Variants in CLASRP observed in about 807,000 individuals in gnomAD.
The protein encoded by CLASRP is CLK4 associating serine/arginine rich protein, also known as CLK4-associating serine/arginine rich protein.
CLASRP carries 52 observed loss-of-function variants against 99.9 expected under a neutral mutation model. The ratio of observed to expected loss-of-function variants is 0.52; its 90% confidence interval spans 0.42 to 0.66. The LOEUF (loss-of-function observed/expected upper bound fraction) is 0.66. CLASRP is among the 30% of genes least tolerant of loss of function. The pLI is 0.00. For missense variants in CLASRP, 848 were observed against 999.2 expected, an observed-to-expected ratio of 0.85 and a Z score of 2.04; for synonymous variants, 379 against 373.0, an observed-to-expected ratio of 1.02 and a Z score of -0.18.
intron 13 of CLASRP, among the ~76,000 whole-genome samples, chr19:45,066,231 C>T (rs1376856477): frequency 1.3e-5 from 2 of 151,856 alleles, no homozygotes; most frequent in African/African-American, 4.8e-5. Flanking sequence ...GTGATTCTCC[C>T]GCCGCAGCCT....
chr19:45,062,516 T>C (rs1222412607), intron 11 of CLASRP, among the ~76,000 whole-genome samples: 2 of 152,224 alleles, frequency 1.3e-5, no homozygotes, highest in Non-Finnish European at 2.9e-5. Context: ...TAGCTGGGAC[T>C]ACAGGTGCCC....
In CLASRP at chr19:45,069,073, G is replaced by A. The variant is rs141999176; in HGVS notation, c.1776G>A (p.Ala592=). Reference sequence around the variant, plus strand: ...TGTTCTTTCTCTCTACAGTCAAGGCGGATAAGAAGGCGGCACAAGAAAAGA... The same window carrying A: ...TGTTCTTTCTCTCTACAGTCAAGGCAGATAAGAAGGCGGCACAAGAAAAGA... ...MQKALNRQFK[A]DKKAAQEKMI... is the part of the protein sequence containing the mutation. Residue 592 remains alanine (A), a synonymous_variant, in exon 17 of 21, where the codon GCG becomes GCA. Transcript: ENST00000221455. 7.3e-5 allele frequency: 118 copies of A among 1,613,916 alleles called. No homozygotes were observed. Among genetic ancestry groups the A allele is most frequent in the African/African-American group, 1.2e-4 (9 of 74,900 alleles).
chr19:45,057,496 A>T (rs929777371), intron 6 of CLASRP, among the ~76,000 whole-genome samples: 2 of 152,160 alleles, frequency 1.3e-5, no homozygotes, highest in African/African-American at 4.8e-5. Context: ...GACCCAACAA[A>T]GGCAGGGCTG....
At chr19:45,064,267 C>G in intron 12 of CLASRP, 40 bp downstream of exon 12, 1 of 1,538,930 alleles carries the variant, frequency 6.5e-7, no homozygotes, top group Non-Finnish European at 8.7e-7. Flanking sequence ...GCCCCGGTCA[C>G]CATGGGGGGT....
chr19:45,045,619 G>C (rs1158109138), intron 2 of CLASRP, among the ~76,000 whole-genome samples: 1 of 152,200 alleles, frequency 6.6e-6, no homozygotes, highest in Non-Finnish European at 1.5e-5. Context: ...AAGAGGTGTA[G>C]ACTTTATTTT....
rs1966906258 is a variant in CLASRP at position 45,060,135 on chromosome 19, C to T, written c.711-254C>T. ...ATGGACCACACATTTTATTCCCTTG[C>T]TCATTATCTTCTCCCCTAGAATGTA... is the stretch of plus-strand genomic sequence containing the variant. On this transcript the variant is annotated intron_variant, in intron 8 of 20. Coordinates refer to ENST00000221455, the MANE Select transcript of CLASRP (RefSeq NM_007056.3). This position sits in a 1 kb window ranked among gnomAD's most constrained non-coding sequence, Gnocchi z 4.6. Among the ~76,000 whole-genome samples the T allele has an allele frequency of 6.6e-6, 1 of 152,142 alleles. No individual in the cohort carries two copies. The highest frequency in any genetic ancestry group is 2.4e-5 in the African/African-American group (1 of 41,428).
rs1043382328 is a variant in CLASRP, at chr19:45,062,331, G to A, written c.905+136G>A. 9.7e-6 allele frequency: 6 copies of A among 620,250 alleles called. No homozygotes were observed. The East Asian group carries it at 1.6e-4, about 17-fold the overall frequency. 38.4% of individuals were successfully genotyped at this position (620,250 alleles called of 1,614,324 possible). ...AGACTGCATGATATGTTCTGGGTCT[G>A]AATCATTTTTGTGTTTTCCAGATCA... is the stretch of plus-strand genomic sequence containing the variant. On this transcript the variant is annotated intron_variant, in intron 11 of 20. Transcript: ENST00000221455.
Position 45,067,398 on chromosome 19 carries a change from A to G in CLASRP, c.1471A>G (p.Ser491Gly), listed in dbSNP as rs979068451. Reference sequence around the variant, plus strand: ...CGGCCGGGGCCTCAGGCACCACAGCAGTAGCCGCAGCCGCAGCAGCTGGTC... The same window carrying G: ...CGGCCGGGGCCTCAGGCACCACAGCGGTAGCCGCAGCCGCAGCAGCTGGTC... ...RGGRGLRHHS[S>G]SRSRSSWSLS... The change falls in exon 14 of 21, where the codon AGT becomes GGT. Residue 491 changes from serine (S) to glycine (G), a missense_variant. Transcript: ENST00000221455. This position sits in a 1 kb window ranked among gnomAD's most constrained non-coding sequence, Gnocchi z 4.9. The G allele has an allele frequency of 4.6e-6, 7 of 1,534,534 alleles. No individual in the cohort carries two copies. In the African/African-American group the frequency reaches 9.6e-5, roughly 21 times the overall value.
intron 7 of CLASRP, chr19:45,058,202 T>C (rs974974664): frequency 5.0e-6 from 2 of 399,064 alleles, no homozygotes; most frequent in East Asian, 9.3e-5. Context: ...TCTCTCCTGC[T>C]CTCTTCCCTC....
At position 45,064,534 on chromosome 19, in the gene CLASRP, G is replaced by A. The variant is rs1207673541; in HGVS notation, c.1313G>A (p.Arg438His). The A allele has an allele frequency of 2.6e-6, 4 of 1,537,706 alleles. No homozygotes were observed. The highest frequency in any genetic ancestry group is 3.5e-6 in the Non-Finnish European group (4 of 1,146,288). ...RSRRYSRSRS[R>H]GRRHSGGGSR... ...CGGCGCTATTCCCGGTCCCGTAGCC[G>A]TGGCCGGCGGCACTCAGGTGGGGGC... The change falls in exon 13 of 21, where the codon CGT becomes CAT. Residue 438 changes from arginine (R) to histidine (H), a missense_variant. This residue lies in a region of CLASRP where 489 missense variants were observed against 434.7 expected (regional missense o/e 1.12). Transcript: ENST00000221455.
intron 5 of CLASRP, among the ~76,000 whole-genome samples, chr19:45,054,801 G>A (rs1421895366): frequency 1.3e-5 from 2 of 152,172 alleles, no homozygotes; most frequent in Admixed American, 6.5e-5. Flanking sequence ...TGTTGATTTT[G>A]TTGCGTGGGG....
chr19:45,059,490 T>G, intron 8 of CLASRP, 126 bp downstream of exon 8: 1 of 778,672 alleles, frequency 1.3e-6, no homozygotes, highest in Non-Finnish European at 2.1e-6. Context: ...GGCCCAGGAC[T>G]TTACACATGC....
intron 2 of CLASRP, among the ~76,000 whole-genome samples, chr19:45,041,227 CAA>C (rs397945551): frequency 7.2e-4 from 43 of 59,842 alleles, no homozygotes; most frequent in Admixed American, 8.1e-4. Flanking sequence ...GACTCTGTCT[CAA>C]AAAAAAAAAA....
intron 5 of CLASRP, among the ~76,000 whole-genome samples, chr19:45,053,833 G>A (rs546309716): frequency 6.6e-6 from 1 of 152,230 alleles, no homozygotes; most frequent in East Asian, 1.9e-4. Context: ...TGTTGTCCAG[G>A]CTGGTCTGAA....
chr19:45,047,092 A>G (rs1354544970), intron 2 of CLASRP, among the ~76,000 whole-genome samples: 3 of 152,308 alleles, frequency 2.0e-5, no homozygotes, highest in Admixed American at 1.3e-4. Flanking sequence ...TTACAGCATT[A>G]TTAGCAATAG....
intron 2 of CLASRP, among the ~76,000 whole-genome samples, chr19:45,050,840 C>T (rs1402284729): frequency 6.6e-6 from 1 of 151,896 alleles, no homozygotes; most frequent in African/African-American, 2.4e-5. Context: ...CCTCAGCCTC[C>T]CAAATAGCTG....
intron 2 of CLASRP, chr19:45,047,410 T>TTAAAAAAA (rs1330944270): frequency 2.4e-5 from 1 of 42,312 alleles, no homozygotes; most frequent in African/African-American, 8.0e-5. Flanking sequence ...AGACTCCATC[T>TTAAAAAAA]CAAAAAAAAA....
chr19:45,044,448 G>A (rs931115728), intron 2 of CLASRP, among the ~76,000 whole-genome samples: 2 of 152,190 alleles, frequency 1.3e-5, no homozygotes, highest in Non-Finnish European at 2.9e-5. Flanking sequence ...ACTGGAGCAC[G>A]GAGATACGTG....
At chr19:45,047,438 G>C (rs1273123016) in intron 2 of CLASRP, 3 of 147,210 alleles carry the variant, frequency 2.0e-5, no homozygotes, top group African/African-American at 7.5e-5. Context: ...AAAACAGAGA[G>C]AGAGAGGAAG....
Sources: gnomAD v4.1 joint callset for allele counts (sites outside exome capture counted in the v4.1 genomes callset) on GRCh38, gnomAD v4.1.1 for gene constraint, gnomAD v4.1.1 regional missense constraint, Gnocchi (gnomAD v3.1) non-coding constraint, MANE v1.5 for transcripts, NCBI Gene and HGNC (gene_info 2026-07-23, HGNC 2026-07-21) for gene names.